DRC8: variants seen among roughly 807,000 people sequenced by gnomAD.
DRC8 encodes dynein regulatory complex protein 8.
chr1:245,104,197 T>C, the DRC8 span, among the ~76,000 whole-genome samples: 1 of 152,222 alleles, frequency 6.6e-6, no homozygotes, highest in South Asian at 2.1e-4. Context: ...TAAGAAATGT[T>C]AACCCTTAAA....
chr1:244,987,699 T>C, the DRC8 span, among the ~76,000 whole-genome samples: 1 of 151,138 alleles, frequency 6.6e-6, no homozygotes, highest in East Asian at 1.9e-4. Context: ...TTGGGTCAAA[T>C]AGAACAATAA....
the DRC8 span, among the ~76,000 whole-genome samples, chr1:245,105,175 T>C: frequency 6.6e-6 from 1 of 152,328 alleles, no homozygotes; most frequent in South Asian, 2.1e-4. Flanking sequence ...AAGTGGTGAA[T>C]TTTTATTGCC....
chr1:245,011,240 G>C, the DRC8 span, among the ~76,000 whole-genome samples: 4 of 152,152 alleles, frequency 2.6e-5, no homozygotes, highest in African/African-American at 7.2e-5. Context: ...CACTATGTCA[G>C]CCACCCATGA....
At chr1:245,036,695 G>T in the DRC8 span, among the ~76,000 whole-genome samples, 1 of 152,196 alleles carries the variant, frequency 6.6e-6, no homozygotes, top group African/African-American at 2.4e-5. Flanking sequence ...TTACAACGCG[G>T]ATGAACCTAG....
the DRC8 span, chr1:245,082,062 A>C: frequency 6.3e-7 from 1 of 1,574,988 alleles, no homozygotes; most frequent in East Asian, 2.2e-5. Context: ...CTAAATGGCT[A>C]TTTACTTATT....
At chr1:245,084,059 T>TACCC in the DRC8 span, among the ~76,000 whole-genome samples, 1 of 31,106 alleles carries the variant, frequency 3.2e-5, no homozygotes, top group Non-Finnish European at 7.6e-5. Flanking sequence ...ATATAAAAAT[T>TACCC]CCGCCCCCCC....
At chr1:244,999,344 T>C in the DRC8 span, among the ~76,000 whole-genome samples, 3 of 152,170 alleles carry the variant, frequency 2.0e-5, no homozygotes, top group Non-Finnish European at 4.4e-5. Context: ...TTGTTGCCTC[T>C]GTCTTTAAAT....
chr1:245,043,364 C>T, the DRC8 span, among the ~76,000 whole-genome samples: 4 of 151,092 alleles, frequency 2.6e-5, no homozygotes, highest in South Asian at 4.2e-4. Context: ...ACCTGGGAAG[C>T]GGAGGTTGCA....
At chr1:245,027,956 A>T in the DRC8 span, among the ~76,000 whole-genome samples, 1 of 151,534 alleles carries the variant, frequency 6.6e-6, no homozygotes. Flanking sequence ...CAGTGGTGCC[A>T]TCACGGCTAA....
the DRC8 span, among the ~76,000 whole-genome samples, chr1:245,092,742 G>A: frequency 6.6e-6 from 1 of 152,188 alleles, no homozygotes; most frequent in African/African-American, 2.4e-5. Context: ...ATGAAAGTGT[G>A]GGATTTGGAG....
the DRC8 span, among the ~76,000 whole-genome samples, chr1:245,094,463 G>A: frequency 6.6e-6 from 1 of 152,186 alleles, no homozygotes; most frequent in Non-Finnish European, 1.5e-5. Flanking sequence ...GGTGGAATGA[G>A]TACACGAGCG....
At chr1:244,976,716 T>C in the DRC8 span, among the ~76,000 whole-genome samples, 1 of 152,152 alleles carries the variant, frequency 6.6e-6, no homozygotes, top group Non-Finnish European at 1.5e-5. Context: ...GCAGCTACTA[T>C]GGAAAGTGGT....
chr1:245,110,399 AC>A, the DRC8 span, among the ~76,000 whole-genome samples: 5 of 152,116 alleles, frequency 3.3e-5, no homozygotes. Context: ...ACAAAACAAA[AC>A]AAAACAAAAC....
the DRC8 span, among the ~76,000 whole-genome samples, chr1:244,990,609 C>T: frequency 9.7e-4 from 147 of 152,242 alleles, 4 homozygotes; most frequent in East Asian, 0.026. Context: ...TTTTCGCTGG[C>T]TCCTATGTCA....
chr1:245,017,308 A>G, the DRC8 span: 3 of 1,607,790 alleles, frequency 1.9e-6, no homozygotes, highest in Non-Finnish European at 1.7e-6. Flanking sequence ...CATGAGTCGA[A>G]TAATACAGTG....
chr1:245,057,454 G>C, the DRC8 span, among the ~76,000 whole-genome samples: 2 of 152,044 alleles, frequency 1.3e-5, no homozygotes, highest in Non-Finnish European at 2.9e-5. Context: ...TTATTAATGA[G>C]CTATTTTGCA....
At chr1:245,100,395 G>GTAAT in the DRC8 span, among the ~76,000 whole-genome samples, 394 of 149,286 alleles carry the variant, frequency 2.6e-3, 3 homozygotes, top group South Asian at 0.013. Flanking sequence ...AAAAGTAGTA[G>GTAAT]TAATAATAAT....
At chr1:245,093,596 T>C in the DRC8 span, among the ~76,000 whole-genome samples, 2 of 150,854 alleles carry the variant, frequency 1.3e-5, no homozygotes, top group Admixed American at 6.7e-5. Flanking sequence ...CTCGGGAGGC[T>C]GAGGCAGGAG....
At chr1:244,974,447 G>A in the DRC8 span, among the ~76,000 whole-genome samples, 3 of 152,054 alleles carry the variant, frequency 2.0e-5, no homozygotes, top group Non-Finnish European at 4.4e-5. Flanking sequence ...GTTACTTTGC[G>A]TGCTTTGATA....
Sources: allele counts gnomAD v4.1 joint callset (sites outside exome capture counted in the v4.1 genomes callset), GRCh38; gene constraint gnomAD v4.1.1; transcripts MANE v1.5; gene names NCBI Gene and HGNC (gene_info 2026-07-23, HGNC 2026-07-21).